Variants in WDR76 observed in about 807,000 individuals in gnomAD.
The protein encoded by WDR76 is WD repeat-containing protein 76.
In WDR76, 52 loss-of-function variants were observed where a neutral mutation model predicts 70.2. That is an observed-to-expected ratio of 0.74 (90% CI 0.59 to 0.93). The LOEUF (loss-of-function observed/expected upper bound fraction) is 0.93. Among genes scored for constraint, WDR76 ranks in the 40% least tolerant of loss-of-function variants. The pLI is 0.00. For missense variants in WDR76, 756 were observed against 760.2 expected (o/e 0.99, Z 0.07); for synonymous variants, 292 against 271.1 (o/e 1.08, Z -0.76).
chr15:43,853,738 T>C (rs551626978), intron 9 of WDR76, among the ~76,000 whole-genome samples: 1 of 151,748 alleles, frequency 6.6e-6, no homozygotes, highest in Non-Finnish European at 1.5e-5. Context: ...AAACCCCATC[T>C]CTACTAAAAA....
Position 43,842,629 on chromosome 15 carries a change from C to CA in WDR76, c.838dup (p.Ser280LysfsTer2). On this transcript the variant is annotated frameshift_variant and splice_region_variant, in exon 7 of 13. Coordinates refer to ENST00000263795, the MANE Select transcript of WDR76 (RefSeq NM_024908.4). LOFTEE classifies it high-confidence loss of function. ...CTTTCATCTCTCCCAATGTTTCAGCCAAGTAGTAAGAACACTGAGAAGGGA... is the reference window on the plus strand; with the variant it reads ...CTTTCATCTCTCCCAATGTTTCAGCCAAAGTAGTAAGAACACTGAGAAGGGA... The CA allele has an allele frequency of 6.2e-7, 1 of 1,609,524 alleles. No individual in the cohort carries two copies. Among genetic ancestry groups the CA allele is most frequent in the Non-Finnish European group, 8.5e-7 (1 of 1,178,624 alleles).
At chr15:43,846,080 A>G (rs765458054) in intron 8 of WDR76, among the ~76,000 whole-genome samples, 19 of 149,918 alleles carry the variant, frequency 1.3e-4, no homozygotes, top group Admixed American at 6.7e-5. Context: ...CCAAGAGATG[A>G]GTTTCAAGGA....
chr15:43,834,298 CTT>C (rs971086051), intron 2 of WDR76, among the ~76,000 whole-genome samples: 22 of 132,102 alleles, frequency 1.7e-4, no homozygotes, highest in South Asian at 2.4e-4. Context: ...AAAAAAATAA[CTT>C]TTTTTTTTTT....
chr15:43,828,093 G>A lies in WDR76; in HGVS notation c.189G>A (p.Gln63=), dbSNP rs536209217. Residue 63 remains glutamine, a synonymous_variant, in exon 2 of 13, where the codon CAG becomes CAA. Coordinates refer to ENST00000263795, the MANE Select transcript of WDR76 (RefSeq NM_024908.4). ...CACTCAGTAATTACCAGCTAGACCA[G>A]CTTATGTGCCCCAAATCCCTATCAG... The part of the protein sequence containing the change: ...PFSLSNYQLD[Q]LMCPKSLSEK... 3 of 1,614,190 alleles carry A rather than the reference G, an allele frequency of 1.9e-6. No homozygotes were observed. In the African/African-American group the frequency reaches 4.0e-5, roughly 22 times the overall value.
At chr15:43,865,236 C>T (rs1039335624) in intron 12 of WDR76, among the ~76,000 whole-genome samples, 2 of 151,776 alleles carry the variant, frequency 1.3e-5, no homozygotes, top group African/African-American at 4.8e-5. Context: ...GCTGGGATTA[C>T]AGGCAAGCAC....
At chr15:43,841,610 G>A (rs969251562) in intron 5 of WDR76, among the ~76,000 whole-genome samples, 1 of 152,080 alleles carries the variant, frequency 6.6e-6, no homozygotes, top group Non-Finnish European at 1.5e-5. Context: ...AAAGTGCAGG[G>A]ATCACAGGTG....
intron 2 of WDR76, among the ~76,000 whole-genome samples, chr15:43,833,480 G>A (rs566715623): frequency 2.6e-5 from 4 of 151,468 alleles, no homozygotes; most frequent in Non-Finnish European, 5.9e-5. Context: ...CACCATGCCC[G>A]GCTAATTTTT....
intron 10 of WDR76, 29 bp from the exon 11 acceptor site, chr15:43,858,642 A>G: frequency 6.2e-7 from 1 of 1,610,270 alleles, no homozygotes; most frequent in East Asian, 2.2e-5. Context: ...GTACTATGGC[A>G]ACATTGATCA....
intron 10 of WDR76, chr15:43,857,507 G>A: frequency 1.0e-6 from 1 of 985,312 alleles, no homozygotes; most frequent in Non-Finnish European, 1.2e-6. Flanking sequence ...TTTTTTCTAG[G>A]AAGGATTGAA....
intron 2 of WDR76, among the ~76,000 whole-genome samples, chr15:43,829,477 G>A (rs985128586): frequency 6.6e-6 from 1 of 151,342 alleles, no homozygotes; most frequent in Non-Finnish European, 1.5e-5. Flanking sequence ...TTGGACTTGG[G>A]GTTGAGAGCC....
At position 43,868,111 on chromosome 15, in the gene WDR76, A is replaced by G. The variant is rs972954737; in HGVS notation, c.*1719A>G. On this transcript the variant is annotated 3_prime_UTR_variant, in exon 13 of 13. Coordinates refer to ENST00000263795, the MANE Select transcript of WDR76 (RefSeq NM_024908.4). ...GCAATAGTTCTCTATTTTCTAGTTG[A>G]TATAAGTAGAAGAATTGACAAGTGA... is the stretch of plus-strand genomic sequence containing the variant. 6 of 152,340 alleles carry G rather than the reference A, an allele frequency of 3.9e-5. No homozygotes were observed. Among genetic ancestry groups the G allele is most frequent in the Admixed American group, 6.5e-5 (1 of 15,302 alleles). 9.4% of individuals were successfully genotyped at this position (152,340 alleles called of 1,614,324 possible).
In WDR76 at chr15:43,867,575, T is replaced by TA. The variant is rs397692407; in HGVS notation, c.*1183_*1184insA. On this transcript the variant is annotated 3_prime_UTR_variant, in exon 13 of 13. Coordinates refer to ENST00000263795, the MANE Select transcript of WDR76 (RefSeq NM_024908.4). ...GATGTAAAATATATATATATATATA[T>TA]TTTATTACTATAGTACCATGGGTAA... is the stretch of plus-strand genomic sequence containing the variant. 6.0e-5 allele frequency: 9 copies of TA among 150,456 alleles called. No individual in the cohort carries two copies. The highest frequency in any genetic ancestry group is 2.2e-4 in the African/African-American group (9 of 40,856). The allele number at this position is 150,456 out of a possible 1,614,324, so 9.3% of individuals were successfully genotyped here.
intron 2 of WDR76, among the ~76,000 whole-genome samples, chr15:43,833,782 G>T (rs747964743): frequency 6.6e-6 from 1 of 151,884 alleles, no homozygotes; most frequent in Non-Finnish European, 1.5e-5. Flanking sequence ...GACTACAGGC[G>T]TGTGTCACCA....
chr15:43,853,984 A>C (rs1419712167), intron 9 of WDR76, among the ~76,000 whole-genome samples: 1 of 152,158 alleles, frequency 6.6e-6, no homozygotes, highest in Non-Finnish European at 1.5e-5. Flanking sequence ...ATCATTATTC[A>C]TTAGGGAAAT....
In WDR76 at chr15:43,846,748, G is replaced by A. The variant is rs1237434100; in HGVS notation, c.1032+2694G>A. 4.0e-5 allele frequency among the ~76,000 whole-genome samples: 6 copies of A among 151,782 alleles called. No homozygotes were observed. The South Asian group carries it at 6.2e-4, about 16-fold the overall frequency. ...CCAAAAATCTGTATTACAGCCGGAC[G>A]CGGTGGCTCACACCTGTGATCCCAG... On this transcript the variant is annotated intron_variant, in intron 8 of 12. Transcript: ENST00000263795.
At chr15:43,854,311 T>G (rs530326115) in intron 9 of WDR76, among the ~76,000 whole-genome samples, 5 of 152,336 alleles carry the variant, frequency 3.3e-5, no homozygotes, top group African/African-American at 1.2e-4. Flanking sequence ...AGCTCACACC[T>G]GTAATCTCAG....
At chr15:43,860,011 G>A (rs1014198120) in intron 11 of WDR76, among the ~76,000 whole-genome samples, 3 of 152,206 alleles carry the variant, frequency 2.0e-5, no homozygotes, top group African/African-American at 7.2e-5. Flanking sequence ...AGCATTTCGG[G>A]AGGCTGAGGT....
At chr15:43,862,202 A>G (rs1256498996) in intron 12 of WDR76, among the ~76,000 whole-genome samples, 1 of 135,464 alleles carries the variant, frequency 7.4e-6, no homozygotes, top group East Asian at 2.2e-4. Flanking sequence ...CTTTGTCACT[A>G]TTTATGAAGT....
intron 9 of WDR76, among the ~76,000 whole-genome samples, chr15:43,854,746 C>T (rs956254388): frequency 2.0e-5 from 3 of 151,898 alleles, no homozygotes; most frequent in Non-Finnish European, 2.9e-5. Context: ...GTGAGGAGTT[C>T]GAGACCAGCC....
Sources: gnomAD v4.1 joint callset for allele counts (sites outside exome capture counted in the v4.1 genomes callset) on GRCh38, gnomAD v4.1.1 for gene constraint, MANE v1.5 for transcripts, NCBI Gene and HGNC (gene_info 2026-07-23, HGNC 2026-07-21) for gene names.